PALM2AKAP2: variants seen among roughly 807,000 people sequenced by gnomAD.
PALM2AKAP2 encodes PALM2 and AKAP2 fusion.
A neutral mutation model predicts 71.5 loss-of-function variants in PALM2AKAP2; 37 were observed. That is an observed-to-expected ratio of 0.52 (90% confidence interval 0.40 to 0.68). The LOEUF is 0.68. PALM2AKAP2 is among the 30% of genes least tolerant of loss of function. The probability of loss-of-function intolerance (pLI) is 0.00; values close to 1 mark genes in which losing one functional copy is unlikely to be tolerated. For synonymous variants in PALM2AKAP2, 468 were observed against 478.8 expected (o/e 0.98, Z 0.29); for missense variants, 1,224 against 1,191.8 (o/e 1.03, Z -0.40).
intron 1 of PALM2AKAP2, among the ~76,000 whole-genome samples, chr9:110,086,317 G>A (rs764725321): frequency 3.3e-5 from 5 of 152,054 alleles, no homozygotes; most frequent in Admixed American, 6.6e-5. Context: ...CAGATGTCTG[G>A]GCAGTATAAA....
At chr9:110,162,209 G>C in intron 3 of PALM2AKAP2, 77 bp downstream of exon 10, 1 of 1,582,208 alleles carries the variant, frequency 6.3e-7, no homozygotes, top group South Asian at 1.1e-5. Flanking sequence ...GCCATTTCCT[G>C]ATGAGTTAAA....
chr9:110,048,831 C>T, exon 1 of PALM2AKAP2: 1 of 1,526,234 alleles, frequency 6.6e-7, no homozygotes, highest in Non-Finnish European at 8.7e-7. Context: ...CCCAGGACTG[C>T]GCCCCCGGGA....
intron 1 of PALM2AKAP2, among the ~76,000 whole-genome samples, chr9:109,851,958 C>T (rs531743147): frequency 6.6e-6 from 1 of 152,158 alleles, no homozygotes; most frequent in East Asian, 1.9e-4. Context: ...ACAGAACTAG[C>T]CACGAGAAAG....
rs1008821684 is a variant in PALM2AKAP2 at position 109,974,763 on chromosome 9, A to T, written c.497-41191A>T. Among the ~76,000 whole-genome samples, 77 of 152,172 alleles carry T rather than the reference A, an allele frequency of 5.1e-4. 1 individual carries two copies. The highest frequency in any genetic ancestry group is 1.3e-4 in the Non-Finnish European group (9 of 68,042). On this transcript the variant is annotated intron_variant, in intron 6 of 9. Transcript: ENST00000302798. ...TGTCTTTGCAAGCAGGACTAATTAC[A>T]TAGTAAGTGATTGCCCCTCAAACAG...
chr9:110,060,477 G>T (rs1833940636), intron 1 of PALM2AKAP2, among the ~76,000 whole-genome samples: 1 of 152,142 alleles, frequency 6.6e-6, no homozygotes, highest in Non-Finnish European at 1.5e-5. Flanking sequence ...ATTGGTCAAG[G>T]TCAGGCCCAC....
At chr9:110,091,145 G>C (rs150382917) in intron 1 of PALM2AKAP2, among the ~76,000 whole-genome samples, 143 of 152,280 alleles carry the variant, frequency 9.4e-4, no homozygotes, top group African/African-American at 3.2e-3. Flanking sequence ...TCTCTTAGAA[G>C]TCAAAGAGTT....
At chr9:109,812,474 G>A (rs1240571869) in intron 1 of PALM2AKAP2, among the ~76,000 whole-genome samples, 1 of 152,142 alleles carries the variant, frequency 6.6e-6, no homozygotes, top group Non-Finnish European at 1.5e-5. Flanking sequence ...TGAGGGTGGG[G>A]GTACTGACCC....
intron 1 of PALM2AKAP2, among the ~76,000 whole-genome samples, chr9:109,697,862 T>A (rs1283779316): frequency 2.6e-5 from 4 of 152,230 alleles, no homozygotes; most frequent in Non-Finnish European, 5.9e-5. Flanking sequence ...AAATGAATTG[T>A]GCTTTTTGTT....
At chr9:110,152,495 T>G (rs1227601194) in intron 2 of PALM2AKAP2, among the ~76,000 whole-genome samples, 1 of 152,116 alleles carries the variant, frequency 6.6e-6, no homozygotes, top group Non-Finnish European at 1.5e-5. Context: ...TTGGGGAGTC[T>G]AATGGGGCAT....
chr9:109,891,071 G>A (rs886352964), intron 3 of PALM2AKAP2, among the ~76,000 whole-genome samples: 6 of 152,218 alleles, frequency 3.9e-5, no homozygotes, highest in Admixed American at 6.5e-5. Context: ...GGTGCCTGGA[G>A]GAAGGCTTTT....
chr9:110,013,457 C>T (rs1320135791), intron 6 of PALM2AKAP2, among the ~76,000 whole-genome samples: 1 of 152,138 alleles, frequency 6.6e-6, no homozygotes, highest in Non-Finnish European at 1.5e-5. Flanking sequence ...GGTTATTAGT[C>T]GGTTAAAAGC....
At chr9:109,896,816 A>T in intron 3 of PALM2AKAP2, among the ~76,000 whole-genome samples, 1 of 152,158 alleles carries the variant, frequency 6.6e-6, no homozygotes, top group East Asian at 1.9e-4. Flanking sequence ...GTCTCCAAAA[A>T]ATAATTAATT....
chr9:109,967,730 G>C (rs1420902705), intron 6 of PALM2AKAP2, among the ~76,000 whole-genome samples: 1 of 152,202 alleles, frequency 6.6e-6, no homozygotes, highest in Non-Finnish European at 1.5e-5. Flanking sequence ...GTCTTGAAGG[G>C]AGAAGTGTCA....
At chr9:110,047,872 G>T (rs1170060985), upstream of PALM2AKAP2, among the ~76,000 whole-genome samples, 1 of 152,148 alleles carries the variant, frequency 6.6e-6, no homozygotes, top group Non-Finnish European at 1.5e-5. Flanking sequence ...GTGGAGGAGG[G>T]GATGAGAGAC....
chr9:110,073,313 T>C (rs1834248177), intron 1 of PALM2AKAP2, among the ~76,000 whole-genome samples: 1 of 152,152 alleles, frequency 6.6e-6, no homozygotes, highest in Admixed American at 6.5e-5. Flanking sequence ...AGACTACAGG[T>C]TGTTCTCTCC....
At chr9:110,003,898 C>G (rs532246367) in intron 6 of PALM2AKAP2, among the ~76,000 whole-genome samples, 2 of 152,144 alleles carry the variant, frequency 1.3e-5, no homozygotes, top group Non-Finnish European at 2.9e-5. Flanking sequence ...CTTCCCCCAT[C>G]CCTTTATTTT....
intron 1 of PALM2AKAP2, among the ~76,000 whole-genome samples, chr9:109,821,457 G>T (rs1239964064): frequency 6.6e-6 from 1 of 152,142 alleles, no homozygotes; most frequent in Non-Finnish European, 1.5e-5. Flanking sequence ...TTGTAACTGA[G>T]CTACTGGGGT....
At chr9:110,116,742 T>C (rs1835371552) in intron 1 of PALM2AKAP2, among the ~76,000 whole-genome samples, 1 of 152,236 alleles carries the variant, frequency 6.6e-6, no homozygotes, top group African/African-American at 2.4e-5. Flanking sequence ...AGTGAGCCAA[T>C]AACTCATCTT....
chr9:109,867,317 TGCTGCTGCTTGC>T (rs1221926477), intron 1 of PALM2AKAP2, 162 bp from the exon 2 acceptor site: 5 of 624,198 alleles, frequency 8.0e-6, no homozygotes, highest in Non-Finnish European at 1.4e-5. Flanking sequence ...GTTAGGAGAA[TGCTGCTGCTTGC>T]AACACACCCA....
Sources: allele counts gnomAD v4.1 joint callset (sites outside exome capture counted in the v4.1 genomes callset), GRCh38; gene constraint gnomAD v4.1.1; transcripts MANE v1.5; gene names NCBI Gene and HGNC (gene_info 2026-07-23, HGNC 2026-07-21).